PI15: variants seen among roughly 807,000 people sequenced by gnomAD.
PI15 encodes peptidase inhibitor 15.
A neutral mutation model predicts 31.0 loss-of-function variants in PI15; 18 were observed. That is an observed-to-expected ratio of 0.58 (90% CI 0.40 to 0.86). PI15 has a LOEUF of 0.86. Ranked by LOEUF, PI15 falls within the 40% of genes least tolerant of loss-of-function variation. The probability of loss-of-function intolerance (pLI) is 0.00; values close to 1 mark genes in which losing one functional copy is unlikely to be tolerated. For missense variants in PI15, 282 were observed against 328.1 expected (o/e 0.86, Z 1.09); for synonymous variants, 118 against 119.1 (o/e 0.99, Z 0.06).
chr8:74,848,024 T>C (rs946002253), intron 5 of PI15, among the ~76,000 whole-genome samples: 2 of 152,196 alleles, frequency 1.3e-5, no homozygotes, highest in Admixed American at 1.3e-4. Context: ...TCCTTTATAA[T>C]TAAAAGAGCA....
chr8:74,825,295 C>G lies in PI15; in HGVS notation c.46C>G (p.Leu16Val). The G allele has an allele frequency of 6.2e-7, 1 of 1,613,430 alleles. No individual in the cohort carries two copies. The highest frequency in any genetic ancestry group is 8.5e-7 in the Non-Finnish European group (1 of 1,179,516). ...CAGCAGTGCACTCCTGTTCTCCCTTCTCTGTGAAGCAAGTACCGTCGTCCT... is the reference window on the plus strand; with the variant it reads ...CAGCAGTGCACTCCTGTTCTCCCTTGTCTGTGAAGCAAGTACCGTCGTCCT... ...AVSSALLFSL[L>V]CEASTVVLLN... The change falls in exon 2 of 6, where the codon CTC becomes GTC. Residue 16 changes from leucine (L) to valine (V), a missense_variant. Physicochemically the swap from Leu to Val is conservative, Grantham distance 32 (BLOSUM62 1). Coordinates refer to ENST00000260113, the MANE Select transcript of PI15 (RefSeq NM_015886.5).
chr8:74,846,624 A>G (rs567694676), intron 5 of PI15, among the ~76,000 whole-genome samples: 9 of 152,296 alleles, frequency 5.9e-5, no homozygotes, highest in African/African-American at 2.2e-4. Flanking sequence ...AGAGATTAAG[A>G]TATTACATTA....
At chr8:74,847,855 C>T (rs1385057718) in intron 5 of PI15, among the ~76,000 whole-genome samples, 1 of 152,096 alleles carries the variant, frequency 6.6e-6, no homozygotes, top group East Asian at 1.9e-4. Flanking sequence ...ATTTTAGCCT[C>T]TTACCTATTG....
chr8:74,831,353 A>C (rs185881847), intron 2 of PI15, among the ~76,000 whole-genome samples: 1 of 152,224 alleles, frequency 6.6e-6, no homozygotes, highest in Admixed American at 6.6e-5. Context: ...AAATAATTTT[A>C]TTGTGTTTCT....
chr8:74,832,102 T>TA (rs895385502), intron 2 of PI15, among the ~76,000 whole-genome samples: 2 of 151,978 alleles, frequency 1.3e-5, no homozygotes, highest in Non-Finnish European at 2.9e-5. Context: ...AATAAGGATA[T>TA]AAAAAAACCA....
chr8:74,835,661 T>C (rs536503326), intron 2 of PI15, among the ~76,000 whole-genome samples: 1 of 152,290 alleles, frequency 6.6e-6, no homozygotes, highest in African/African-American at 2.4e-5. Flanking sequence ...GCTATAGATA[T>C]CCACAACAGG....
chr8:74,854,462 T>C lies in PI15; in HGVS notation c.*5209T>C, dbSNP rs1811152226. 1 of 152,118 alleles carries C rather than the reference T, an allele frequency of 6.6e-6. No individual in the cohort carries two copies. The highest frequency in any genetic ancestry group is 2.4e-5 in the African/African-American group (1 of 41,448). The allele number at this position is 152,118 out of a possible 1,614,324, so 9.4% of individuals were successfully genotyped here. A position where few individuals can be genotyped will look rare whatever the true frequency, so the allele number is the denominator to read the frequency against. On this transcript the variant is annotated 3_prime_UTR_variant, in exon 6 of 6. Coordinates refer to ENST00000260113, the MANE Select transcript of PI15 (RefSeq NM_015886.5). ...ATTCTTCTCTGAGCCCTAGGATTGA[T>C]TCTATCACACAGAGCAACATTAATC... is the stretch of plus-strand genomic sequence containing the variant.
chr8:74,833,630 A>T (rs1810819450), intron 2 of PI15, among the ~76,000 whole-genome samples: 1 of 152,164 alleles, frequency 6.6e-6, no homozygotes, highest in Admixed American at 6.5e-5. Flanking sequence ...ACCATTAAAT[A>T]CACCTTTGCC....
intron 2 of PI15, among the ~76,000 whole-genome samples, chr8:74,825,864 A>G (rs1810691632): frequency 6.6e-6 from 1 of 152,106 alleles, no homozygotes; most frequent in African/African-American, 2.4e-5. Flanking sequence ...GTCCACTTTA[A>G]AAAAAGTCAC....
intron 2 of PI15, among the ~76,000 whole-genome samples, chr8:74,838,341 C>G (rs1810899104): frequency 6.6e-6 from 1 of 151,818 alleles, no homozygotes; most frequent in African/African-American, 2.4e-5. Flanking sequence ...TTTTTGTAAC[C>G]ATTACATTTA....
chr8:74,829,448 C>T (rs1047566923), intron 2 of PI15, among the ~76,000 whole-genome samples: 7 of 151,964 alleles, frequency 4.6e-5, no homozygotes, highest in Non-Finnish European at 1.0e-4. Context: ...GACTCTAAAC[C>T]ACAAACCACA....
chr8:74,828,200 T>A (rs911222013), intron 2 of PI15, among the ~76,000 whole-genome samples: 9 of 151,992 alleles, frequency 5.9e-5, no homozygotes, highest in African/African-American at 2.2e-4. Flanking sequence ...TGGCTTGTGG[T>A]AAGGGTTTGA....
In PI15 at chr8:74,849,225, C is replaced by A. The variant is rs200826695; in HGVS notation, c.749C>A (p.Thr250Lys). ...CTDNLCFPGV[T>K]SNYLYWFK ...GACAATCTGTGTTTTCCAGGAGTTACGTCAAACTACCTGTACTGGTTTAAA... is the reference window on the plus strand; with the variant it reads ...GACAATCTGTGTTTTCCAGGAGTTAAGTCAAACTACCTGTACTGGTTTAAA... The change falls in exon 6 of 6, where the codon ACG becomes AAG. Residue 250 changes from threonine (T) to lysine (K), a missense_variant. Physicochemically the swap from Thr to Lys is moderately conservative, Grantham distance 78. Coordinates refer to ENST00000260113, the MANE Select transcript of PI15 (RefSeq NM_015886.5). 15 of 1,612,508 alleles carry A rather than the reference C, an allele frequency of 9.3e-6. No homozygotes were observed. Among genetic ancestry groups the A allele is most frequent in the Non-Finnish European group, 1.1e-5 (13 of 1,178,948 alleles).
At chr8:74,837,772 A>C (rs1810891246) in intron 2 of PI15, among the ~76,000 whole-genome samples, 1 of 152,220 alleles carries the variant, frequency 6.6e-6, no homozygotes, top group Non-Finnish European at 1.5e-5. Flanking sequence ...AATGTCCAAA[A>C]GGACATGCCA....
intron 3 of PI15, chr8:74,844,850 A>T (rs190174680): frequency 8.1e-6 from 3 of 370,084 alleles, no homozygotes; most frequent in Middle Eastern, 7.9e-4. Flanking sequence ...TAAGACATTG[A>T]TGATTCCTGA....
Position 74,852,601 on chromosome 8 carries a change from G to A in PI15, c.*3348G>A, listed in dbSNP as rs562682115. On this transcript the variant is annotated 3_prime_UTR_variant, in exon 6 of 6. Coordinates refer to ENST00000260113, the MANE Select transcript of PI15 (RefSeq NM_015886.5). The stretch of plus-strand genomic sequence containing the variant: ...CATTTGAAAGTTCCATGCAGCTTTA[G>A]CACAGAGTTGACCAAACACTGGCGT... 2.0e-5 allele frequency: 3 copies of A among 152,218 alleles called. No individual in the cohort carries two copies. The East Asian group carries it at 5.8e-4, about 29-fold the overall frequency. The allele number at this position is 152,218 out of a possible 1,614,324, so 9.4% of individuals were successfully genotyped here.
intron 2 of PI15, among the ~76,000 whole-genome samples, chr8:74,833,848 C>T (rs911094622): frequency 6.6e-6 from 1 of 152,222 alleles, no homozygotes; most frequent in Non-Finnish European, 1.5e-5. Context: ...AATCAGGGGT[C>T]TCCCCAATTC....
At chr8:74,829,775 CG>C (rs1810754724) in intron 2 of PI15, among the ~76,000 whole-genome samples, 1 of 151,832 alleles carries the variant, frequency 6.6e-6, no homozygotes, top group Non-Finnish European at 1.5e-5. Flanking sequence ...AAGAAGGGAG[CG>C]ATAATCTCTA....
At chr8:74,830,608 T>C (rs1810767433) in intron 2 of PI15, among the ~76,000 whole-genome samples, 1 of 152,154 alleles carries the variant, frequency 6.6e-6, no homozygotes, top group Non-Finnish European at 1.5e-5. Context: ...GGGCTTCATG[T>C]GGAAGAGAAT....
Sources: allele counts gnomAD v4.1 joint callset (sites outside exome capture counted in the v4.1 genomes callset), GRCh38; gene constraint gnomAD v4.1.1; transcripts MANE v1.5; gene names NCBI Gene and HGNC (gene_info 2026-07-23, HGNC 2026-07-21).